EGFL6: variants seen among roughly 807,000 people sequenced by gnomAD.
EGFL6 encodes epidermal growth factor-like protein 6.
EGFL6 carries 42 observed loss-of-function variants against 43.1 expected under a neutral mutation model. The observed-to-expected ratio is 0.98, with a 90% CI of 0.76 to 1.26. The LOEUF is 1.26. EGFL6 is among the 50% of genes most tolerant of loss of function. The pLI, the probability that EGFL6 is intolerant of heterozygous loss-of-function variation, is 0.00. For synonymous variants in EGFL6, 164 were observed against 163.2 expected (o/e 1.01, Z -0.04); for missense variants, 429 against 427.8 (o/e 1.00, Z -0.02).
intron 1 of EGFL6, chrX:13,575,178 C>T (rs1397546760): frequency 1.8e-5 from 2 of 113,626 alleles, no homozygotes; most frequent in Non-Finnish European, 3.7e-5. Context: ...TGCCTGTAAT[C>T]CCAGCACTTT....
chrX:13,592,917 C>CT (rs562569967), intron 2 of EGFL6, among the ~76,000 whole-genome samples: 21,653 of 82,128 alleles, frequency 0.26, 2,927 homozygotes, highest in East Asian at 0.42. Flanking sequence ...TAGGTTCTTT[C>CT]TTTTTTTTTT....
intron 7 of EGFL6, among the ~76,000 whole-genome samples, chrX:13,611,577 G>A (rs1395911060): frequency 8.9e-6 from 1 of 112,163 alleles, no homozygotes; most frequent in African/African-American, 3.2e-5. Flanking sequence ...TTCAAATGAA[G>A]GCAACATCTT....
At chrX:13,600,202 T>C in intron 4 of EGFL6, 108 bp downstream of exon 4, 2 of 765,498 alleles carry the variant, frequency 2.6e-6, no homozygotes, top group Non-Finnish European at 1.8e-6. Flanking sequence ...AAATCTCTAA[T>C]ATTGCCCCCA....
chrX:13,632,834 T>G, intron 11 of EGFL6, 151 bp from the exon 12 acceptor site: 1 of 444,719 alleles, frequency 2.2e-6, no homozygotes, highest in Non-Finnish European at 3.7e-6. Context: ...CGCAGACACC[T>G]GGCATCTAAA....
intron 1 of EGFL6, among the ~76,000 whole-genome samples, chrX:13,581,355 C>T (rs1187347570): frequency 3.6e-5 from 4 of 111,588 alleles, no homozygotes; most frequent in African/African-American, 1.3e-4. Flanking sequence ...TGGACTTGTA[C>T]TCTGTTTCTT....
rs747574710 is a variant in EGFL6, at chrX:13,633,104, A to G, written c.*9A>G. On this transcript the variant is annotated 3_prime_UTR_variant, in exon 12 of 12. Transcript: ENST00000361306. ...TATCTGTGGATGACTGAATGTTACT[A>G]TCTTTATATTTGACTTTGTATGTCA... 2.1e-5 allele frequency: 24 copies of G among 1,169,289 alleles called. No individual in the cohort carries two copies. The highest frequency in any genetic ancestry group is 1.8e-4 in the Admixed American group (7 of 39,298).
At position 13,614,418 on chromosome X, in the gene EGFL6, C is replaced by T. The variant is rs1449983064; in HGVS notation, c.779-3312C>T. 4.5e-5 allele frequency among the ~76,000 whole-genome samples: 5 copies of T among 112,082 alleles called. No individual in the cohort carries two copies. The East Asian group carries it at 1.1e-3, about 25-fold the overall frequency. On this transcript the variant is annotated intron_variant, in intron 7 of 11. Transcript: ENST00000361306. Reference sequence around the variant, plus strand: ...TTCTTCCAGGACTGTGTCCAAAGCTCAGATTAGTAGAACTTTTCTCCTCCC... The same window carrying T: ...TTCTTCCAGGACTGTGTCCAAAGCTTAGATTAGTAGAACTTTTCTCCTCCC...
chrX:13,627,305 A>G (rs1221000042), intron 11 of EGFL6, 29 bp downstream of exon 11: 3 of 1,190,377 alleles, frequency 2.5e-6, no homozygotes, highest in Middle Eastern at 2.3e-4. Context: ...ATTAAACTCA[A>G]TATTTGCATT....
At chrX:13,575,366 G>T (rs1347007564) in intron 1 of EGFL6, among the ~76,000 whole-genome samples, 1 of 111,850 alleles carries the variant, frequency 8.9e-6, no homozygotes, top group Non-Finnish European at 1.9e-5. Context: ...GGAGGCGGAG[G>T]TTGTGGTGAG....
At chrX:13,622,620 G>T (rs1041786073) in intron 9 of EGFL6, among the ~76,000 whole-genome samples, 5 of 111,896 alleles carry the variant, frequency 4.5e-5, no homozygotes, top group African/African-American at 1.6e-4. Context: ...TCAGAGGTCA[G>T]CCAACTTTTT....
Position 13,569,867 on chromosome X carries a change from T to A in EGFL6, c.6T>A (p.Pro2=), listed in dbSNP as rs779096865. M[P]LPWSLALPLL... is the part of the protein sequence containing the mutation. ...GAAGGAGGACCCGTGCGAGAATGCC[T>A]CTGCCCTGGAGCCTTGCGCTCCCGC... The change falls in exon 1 of 12, where the codon CCT becomes CCA. Residue 2 remains proline (P), a synonymous_variant. Coordinates refer to ENST00000361306, the MANE Select transcript of EGFL6 (RefSeq NM_015507.4). 8.3e-7 allele frequency: 1 copy of A among 1,210,781 alleles called. No homozygotes were observed. The highest frequency in any genetic ancestry group is 1.7e-5 in the African/African-American group (1 of 57,552).
At chrX:13,620,701 G>C (rs746990110) in intron 9 of EGFL6, among the ~76,000 whole-genome samples, 1 of 110,972 alleles carries the variant, frequency 9.0e-6, no homozygotes, top group Non-Finnish European at 1.9e-5. Context: ...CCATTTTCCT[G>C]GTTAGAAAGA....
intron 7 of EGFL6, among the ~76,000 whole-genome samples, chrX:13,616,582 C>T (rs745687662): frequency 3.7e-4 from 40 of 109,018 alleles, no homozygotes; most frequent in African/African-American, 1.3e-3. Flanking sequence ...TGCACTCCAG[C>T]CTGGGTGACA....
chrX:13,575,951 T>C (rs939751033), intron 1 of EGFL6, among the ~76,000 whole-genome samples: 8 of 112,162 alleles, frequency 7.1e-5, no homozygotes, highest in East Asian at 2.8e-4. Context: ...TGGCTTTCAA[T>C]GGAGTCAGGG....
chrX:13,619,047 A>G (rs2045735337), intron 8 of EGFL6, 116 bp from the exon 9 acceptor site: 1 of 546,555 alleles, frequency 1.8e-6, no homozygotes, highest in Non-Finnish European at 3.1e-6. Context: ...CTGCTCTAAT[A>G]TATTCTGTAA....
chrX:13,632,478 A>G (rs776330781), intron 11 of EGFL6, among the ~76,000 whole-genome samples: 1 of 107,846 alleles, frequency 9.3e-6, no homozygotes, highest in South Asian at 4.2e-4. Flanking sequence ...ATTTGTTTGT[A>G]TTTTTAGTAG....
At chrX:13,608,294 A>G (rs760279727) in intron 6 of EGFL6, 30 bp from the exon 7 acceptor site, 4 of 1,208,412 alleles carry the variant, frequency 3.3e-6, no homozygotes, top group Non-Finnish European at 4.5e-6. Flanking sequence ...TCTGTACCAC[A>G]GAGTCGTTCA....
At chrX:13,589,781 A>G (rs2045553906) in intron 2 of EGFL6, 113 bp downstream of exon 2, 2 of 504,685 alleles carry the variant, frequency 4.0e-6, no homozygotes, top group East Asian at 3.8e-5. Flanking sequence ...AAGGACATGC[A>G]TAACTACCAA....
At chrX:13,570,398 G>C (rs756271320) in intron 1 of EGFL6, among the ~76,000 whole-genome samples, 62 of 111,749 alleles carry the variant, frequency 5.5e-4, no homozygotes, top group African/African-American at 2.0e-3. Context: ...AGGAGGGAAA[G>C]AAACCGAGGA....
Sources: allele counts gnomAD v4.1 joint callset (sites outside exome capture counted in the v4.1 genomes callset), GRCh38; gene constraint gnomAD v4.1.1; transcripts MANE v1.5; gene names NCBI Gene and HGNC (gene_info 2026-07-23, HGNC 2026-07-21).